Variants in SGCD observed in about 807,000 individuals in gnomAD.
SGCD encodes the protein delta-sarcoglycan.
SGCD carries 18 observed loss-of-function variants against 36.6 expected under a neutral mutation model. The observed-to-expected ratio is 0.49, with a 90% CI of 0.34 to 0.73. SGCD has a LOEUF of 0.73. Ranked by LOEUF, SGCD falls within the 30% of genes least tolerant of loss-of-function variation. SGCD has a pLI of 0.01. For synonymous variants in SGCD, 133 were observed against 130.6 expected (o/e 1.02, Z -0.12); for missense variants, 387 against 346.7 (o/e 1.12, Z -0.92).
chr5:156,329,886 G>T (rs1767984020), intron 2 of SGCD, among the ~76,000 whole-genome samples: 1 of 151,610 alleles, frequency 6.6e-6, no homozygotes, highest in South Asian at 2.1e-4. Flanking sequence ...ACATGGTGGT[G>T]GGCGCCCGTA....
At chr5:156,674,707 C>T (rs1753439850) in intron 7 of SGCD, among the ~76,000 whole-genome samples, 1 of 152,138 alleles carries the variant, frequency 6.6e-6, no homozygotes, top group South Asian at 2.1e-4. Context: ...ACAGTTAGAC[C>T]AGGAACCTCG....
chr5:156,724,729 T>C (rs1014203428), intron 7 of SGCD, among the ~76,000 whole-genome samples: 2 of 152,198 alleles, frequency 1.3e-5, no homozygotes, highest in Non-Finnish European at 2.9e-5. Context: ...CAGAATGATA[T>C]GTTTAAGGGG....
intron 3 of SGCD, among the ~76,000 whole-genome samples, chr5:156,425,494 CA>C (rs1324185723): frequency 1.3e-5 from 2 of 152,012 alleles, no homozygotes; most frequent in East Asian, 3.9e-4. Context: ...TTGACATAAG[CA>C]GAGGGTTTGG....
intron 3 of SGCD, among the ~76,000 whole-genome samples, chr5:156,295,473 T>G (rs1766869363): frequency 6.6e-6 from 1 of 152,188 alleles, no homozygotes; most frequent in Admixed American, 6.5e-5. Context: ...GCTCTAATTT[T>G]TATTATATCC....
At chr5:156,506,444 A>G (rs1386830719) in intron 3 of SGCD, among the ~76,000 whole-genome samples, 1 of 152,152 alleles carries the variant, frequency 6.6e-6, no homozygotes, top group Non-Finnish European at 1.5e-5. Context: ...ATCAGTATTC[A>G]AAGCTCCCAG....
chr5:155,728,805 C>A, the SGCD span, among the ~76,000 whole-genome samples: 2 of 152,310 alleles, frequency 1.3e-5, no homozygotes, highest in South Asian at 2.1e-4. Context: ...GCGATGCGCC[C>A]CCACCCGGGC....
chr5:155,792,269 A>C, the SGCD span, among the ~76,000 whole-genome samples: 1 of 152,166 alleles, frequency 6.6e-6, no homozygotes, highest in Non-Finnish European at 1.5e-5. Flanking sequence ...TGGATTAAAG[A>C]TTTAAATGTA....
At chr5:156,688,262 T>TATAA (rs1433005387) in intron 7 of SGCD, among the ~76,000 whole-genome samples, 4 of 152,192 alleles carry the variant, frequency 2.6e-5, no homozygotes, top group Non-Finnish European at 5.9e-5. Context: ...GGCTGACACC[T>TATAA]ATAAATATTT....
chr5:156,116,685 A>G (rs1761913380), intron 1 of SGCD, among the ~76,000 whole-genome samples: 1 of 152,098 alleles, frequency 6.6e-6, no homozygotes, highest in South Asian at 2.1e-4. Context: ...ATTCTAATCC[A>G]TGCTCTATAA....
the SGCD span, among the ~76,000 whole-genome samples, chr5:155,806,287 T>C: frequency 2.0e-5 from 3 of 152,160 alleles, no homozygotes; most frequent in African/African-American, 7.2e-5. Context: ...CCCAAGTAGC[T>C]GGGATTACAG....
chr5:156,290,000 G>A (rs967371029), intron 3 of SGCD, among the ~76,000 whole-genome samples: 4 of 152,080 alleles, frequency 2.6e-5, no homozygotes, highest in African/African-American at 4.8e-5. Flanking sequence ...CAATCTTATA[G>A]GCAGGGGCAA....
intron 7 of SGCD, among the ~76,000 whole-genome samples, chr5:156,735,741 C>G (rs1404211008): frequency 1.1e-4 from 17 of 152,132 alleles, no homozygotes; most frequent in Admixed American, 1.1e-3. Context: ...ACCATCGCTG[C>G]TTTGCCCCCT....
intron 4 of SGCD, among the ~76,000 whole-genome samples, chr5:156,550,862 A>G (rs1319536566): frequency 6.6e-6 from 1 of 152,252 alleles, no homozygotes; most frequent in African/African-American, 2.4e-5. Flanking sequence ...GGGCTTAGGA[A>G]TAAGCATCCT....
chr5:155,859,786 G>C, the SGCD span, among the ~76,000 whole-genome samples: 1 of 152,162 alleles, frequency 6.6e-6, no homozygotes, highest in Admixed American at 6.5e-5. Flanking sequence ...ATACTCAAAT[G>C]ACCTTATGTG....
chr5:155,810,841 G>A, the SGCD span, among the ~76,000 whole-genome samples: 1 of 80,650 alleles, frequency 1.2e-5, no homozygotes, highest in Admixed American at 2.2e-4. Context: ...TTTTTGAGAC[G>A]GAGTCTTGCT....
Position 156,259,154 on chromosome 5 carries a change from T to C in SGCD, c.-43-70380T>C, listed in dbSNP as rs79215065. The stretch of plus-strand genomic sequence containing the variant: ...TATTTATTTATTTATTTATTTATTT[T>C]AACCATCCTTGAGGGTGTGAATTTA... On this transcript the variant is annotated intron_variant, in intron 3 of 9. Coordinates refer to the SGCD transcript ENST00000517913. 1.9e-3 allele frequency among the ~76,000 whole-genome samples: 222 copies of C among 118,484 alleles called. 1 individual carries two copies. The East Asian group carries it at 0.035, about 18-fold the overall frequency. The allele number at this position is 118,484 out of a possible 152,430, so 77.7% of individuals were successfully genotyped here.
At chr5:155,899,557 G>A (rs1376078356) in intron 1 of SGCD, among the ~76,000 whole-genome samples, 1 of 152,104 alleles carries the variant, frequency 6.6e-6, no homozygotes, top group Non-Finnish European at 1.5e-5. Flanking sequence ...CTTCCCATGT[G>A]CTGGGAATGA....
intron 3 of SGCD, among the ~76,000 whole-genome samples, chr5:156,227,211 T>C (rs1468293610): frequency 1.3e-5 from 2 of 152,194 alleles, no homozygotes; most frequent in Non-Finnish European, 2.9e-5. Flanking sequence ...TGCTATCTTC[T>C]AGAATTTGTT....
At chr5:156,677,748 C>T (rs1447175381) in intron 7 of SGCD, among the ~76,000 whole-genome samples, 1 of 152,036 alleles carries the variant, frequency 6.6e-6, no homozygotes, top group Non-Finnish European at 1.5e-5. Flanking sequence ...AGCCCATATT[C>T]TTCTTGCTAA....
Sources: gnomAD v4.1 joint callset for allele counts (sites outside exome capture counted in the v4.1 genomes callset) on GRCh38, gnomAD v4.1.1 for gene constraint, MANE v1.5 for transcripts, NCBI Gene and HGNC (gene_info 2026-07-23, HGNC 2026-07-21) for gene names.